The following LMBRD1 variants were observed in gnomAD, a reference collection of about 807,000 sequenced individuals.
LMBRD1 encodes LMBR1 domain containing 1.
LMBRD1 carries 64 observed loss-of-function variants against 74.8 expected under a neutral mutation model. The observed-to-expected ratio is 0.86, with a 90% CI of 0.70 to 1.05. The LOEUF (loss-of-function observed/expected upper bound fraction) is 1.05, where lower values mean the gene tolerates loss of function less well. Ranked by LOEUF, LMBRD1 falls within the 50% of genes least tolerant of loss-of-function variation. The pLI is 0.00. For synonymous variants in LMBRD1, 204 were observed against 216.3 expected, an observed-to-expected ratio of 0.94 and a Z score of 0.50; for missense variants, 652 against 645.9, an observed-to-expected ratio of 1.01 and a Z score of -0.10.
intron 7 of LMBRD1, among the ~76,000 whole-genome samples, chr6:69,725,515 T>C (rs1582091660): frequency 6.6e-6 from 1 of 152,078 alleles, no homozygotes; most frequent in Admixed American, 6.6e-5. Context: ...TAAAACAGCA[T>C]GGTACTGGCA....
chr6:69,689,274 T>A (rs2149838560), intron 14 of LMBRD1, among the ~76,000 whole-genome samples: 1 of 152,234 alleles, frequency 6.6e-6, no homozygotes, highest in East Asian at 1.9e-4. Context: ...GATTCTGAAT[T>A]CTTGATTTCT....
chr6:69,762,384 G>A (rs1433287244), intron 3 of LMBRD1, among the ~76,000 whole-genome samples: 1 of 151,456 alleles, frequency 6.6e-6, no homozygotes, highest in Non-Finnish European at 1.5e-5. Flanking sequence ...GCCGAGACAA[G>A]AGGATAACTT....
chr6:69,782,108 T>G (rs963675453), intron 2 of LMBRD1, among the ~76,000 whole-genome samples: 1 of 152,216 alleles, frequency 6.6e-6, no homozygotes, highest in African/African-American at 2.4e-5. Context: ...CACAGTAAGA[T>G]AGTCTACCAT....
intron 7 of LMBRD1, among the ~76,000 whole-genome samples, chr6:69,722,499 A>G (rs9342769): frequency 0.36 from 54,825 of 151,856 alleles, 11,168 homozygotes; most frequent in East Asian, 0.54. Flanking sequence ...CAGGCAGTAC[A>G]ATGAGACGTA....
At chr6:69,701,090 A>G (rs899647814) in intron 11 of LMBRD1, among the ~76,000 whole-genome samples, 5 of 151,772 alleles carry the variant, frequency 3.3e-5, no homozygotes, top group Non-Finnish European at 7.4e-5. Context: ...GAAAAATACT[A>G]AAGCAAATTA....
chr6:69,707,627 T>A (rs561052827), intron 9 of LMBRD1, among the ~76,000 whole-genome samples: 1 of 152,182 alleles, frequency 6.6e-6, no homozygotes, highest in Non-Finnish European at 1.5e-5. Flanking sequence ...ATTGGATCTA[T>A]CTTCTTTCTG....
At chr6:69,712,986 CA>C (rs1766415174) in intron 9 of LMBRD1, among the ~76,000 whole-genome samples, 1 of 152,034 alleles carries the variant, frequency 6.6e-6, no homozygotes, top group African/African-American at 2.4e-5. Flanking sequence ...TTAAACTCAC[CA>C]AATTGCATTA....
intron 3 of LMBRD1, among the ~76,000 whole-genome samples, chr6:69,759,089 T>G (rs956283639): frequency 3.9e-5 from 6 of 152,286 alleles, no homozygotes; most frequent in African/African-American, 1.4e-4. Flanking sequence ...GTAAGAATTA[T>G]AAACCAGTAA....
At chr6:69,766,822 A>G (rs985332791) in intron 3 of LMBRD1, among the ~76,000 whole-genome samples, 1 of 151,804 alleles carries the variant, frequency 6.6e-6, no homozygotes, top group Admixed American at 6.6e-5. Context: ...AATTCTTCAC[A>G]TATTTCTTGT....
At chr6:69,698,863 AAAC>A (rs1766063133) in intron 13 of LMBRD1, among the ~76,000 whole-genome samples, 177 bp downstream of exon 13, 2 of 151,948 alleles carry the variant, frequency 1.3e-5, no homozygotes, top group African/African-American at 4.8e-5. Context: ...TGTTTCAAAA[AAAC>A]AACAGTATGA....
intron 3 of LMBRD1, among the ~76,000 whole-genome samples, chr6:69,779,251 A>G (rs1055081752): frequency 6.6e-6 from 1 of 151,880 alleles, no homozygotes; most frequent in Non-Finnish European, 1.5e-5. Context: ...ACTTTTGTAG[A>G]TTTTTTTCAG....
intron 5 of LMBRD1, among the ~76,000 whole-genome samples, chr6:69,743,186 C>CA (rs1269278604): frequency 1.3e-5 from 2 of 152,036 alleles, no homozygotes; most frequent in African/African-American, 2.4e-5. Context: ...CTGGATATCC[C>CA]AAAAAGTATG....
chr6:69,697,947 C>T (rs1766042843), intron 13 of LMBRD1, among the ~76,000 whole-genome samples: 1 of 152,030 alleles, frequency 6.6e-6, no homozygotes, highest in Non-Finnish European at 1.5e-5. Context: ...GACTGTGGAA[C>T]ATGCAAAGAA....
chr6:69,701,971 T>C lies in LMBRD1; in HGVS notation c.916-18A>G. ...CAGACGATCTAAAAGCAAAAATATA[T>C]TCATTAAAATATAGTTCTAAAAGTT... is the stretch of plus-strand genomic sequence containing the variant. On this transcript the variant is annotated intron_variant, in intron 9 of 15. Transcript: ENST00000649934. 6 of 1,451,050 alleles carry C rather than the reference T, an allele frequency of 4.1e-6. No homozygotes were observed. Among genetic ancestry groups the C allele is most frequent in the Non-Finnish European group, 5.8e-6 (6 of 1,033,300 alleles). 89.9% of individuals were successfully genotyped at this position (1,451,050 alleles called of 1,614,324 possible).
At chr6:69,775,957 C>G (rs1765689510) in intron 3 of LMBRD1, among the ~76,000 whole-genome samples, 1 of 152,122 alleles carries the variant, frequency 6.6e-6, no homozygotes, top group Admixed American at 6.5e-5. Context: ...CTGAAGCTTT[C>G]AAGAGAAAAT....
chr6:69,716,427 G>C (rs1766492479), intron 8 of LMBRD1, among the ~76,000 whole-genome samples: 1 of 152,080 alleles, frequency 6.6e-6, no homozygotes, highest in Non-Finnish European at 1.5e-5. Context: ...CTTTTGAGAA[G>C]TGTCTTGAGC....
intron 8 of LMBRD1, among the ~76,000 whole-genome samples, chr6:69,718,044 C>CT (rs1766529792): frequency 6.6e-6 from 1 of 152,138 alleles, no homozygotes; most frequent in Admixed American, 6.5e-5. Context: ...ATATGGTTTT[C>CT]TTTTTTGTGT....
At chr6:69,701,614 T>C (rs1766133049) in intron 10 of LMBRD1, 69 bp from the exon 11 acceptor site, 1 of 978,548 alleles carries the variant, frequency 1.0e-6, no homozygotes, top group Non-Finnish European at 1.6e-6. Flanking sequence ...AGAAAAAATA[T>C]AATTTAAGCA....
At chr6:69,792,307 T>C (rs1766104971) in intron 1 of LMBRD1, among the ~76,000 whole-genome samples, 1 of 152,212 alleles carries the variant, frequency 6.6e-6, no homozygotes, top group African/African-American at 2.4e-5. Flanking sequence ...CCCACCAGTG[T>C]TTGGGGATCT....
Sources: allele counts gnomAD v4.1 joint callset (sites outside exome capture counted in the v4.1 genomes callset), GRCh38; gene constraint gnomAD v4.1.1; transcripts MANE v1.5; gene names NCBI Gene and HGNC (gene_info 2026-07-23, HGNC 2026-07-21).